The following KCNMA1 variants were observed in gnomAD, a reference collection of about 807,000 sequenced individuals.
KCNMA1 encodes the protein Calcium-activated potassium channel subunit alpha-1.
In KCNMA1, 29 loss-of-function variants were observed where a neutral mutation model predicts 140.0. The observed-to-expected ratio is 0.21, with a 90% CI of 0.15 to 0.28. The LOEUF is 0.28. Ranked by LOEUF, KCNMA1 falls within the 10% of genes least tolerant of loss-of-function variation. KCNMA1 has a pLI of 1.00. For missense variants in KCNMA1, 880 were observed against 1,602.2 expected (o/e 0.55, Z 7.70); for synonymous variants, 612 against 611.9 (o/e 1.00, Z 0.00).
intron 1 of KCNMA1, among the ~76,000 whole-genome samples, chr10:77,563,358 G>T (rs1035019683): frequency 1.4e-5 from 2 of 145,820 alleles, no homozygotes; most frequent in Non-Finnish European, 3.0e-5. Flanking sequence ...AAGCAGGATG[G>T]TTGGGCCTGA....
chr10:77,218,021 G>A (rs2048353668), intron 3 of KCNMA1, among the ~76,000 whole-genome samples: 1 of 152,152 alleles, frequency 6.6e-6, no homozygotes, highest in African/African-American at 2.4e-5. Flanking sequence ...GGAGGGTTGA[G>A]AAGATCCTTC....
At chr10:77,080,807 TAAC>T (rs1323786364) in intron 12 of KCNMA1, among the ~76,000 whole-genome samples, 7 of 152,058 alleles carry the variant, frequency 4.6e-5, no homozygotes, top group African/African-American at 1.4e-4. Context: ...TTCTCCAAGT[TAAC>T]AACTTGAGAC....
chr10:77,136,262 T>C lies in KCNMA1; in HGVS notation c.809-15214A>G, dbSNP rs550337016. On this transcript the variant is annotated intron_variant, in intron 5 of 27. Transcript: ENST00000286628. Reference sequence around the variant, plus strand: ...TAGAAAGCAGCTTAAAATCCAAAAATAGGTCTTACGTCTGATACATCTTCT... The same window carrying C: ...TAGAAAGCAGCTTAAAATCCAAAAACAGGTCTTACGTCTGATACATCTTCT... Among the ~76,000 whole-genome samples the C allele has an allele frequency of 1.1e-4, 17 of 152,306 alleles. No individual in the cohort carries two copies. In the South Asian group the frequency reaches 2.5e-3, roughly 22 times the overall value.
At chr10:77,628,636 C>A (rs571693275) in intron 1 of KCNMA1, among the ~76,000 whole-genome samples, 1 of 149,530 alleles carries the variant, frequency 6.7e-6, no homozygotes, top group Admixed American at 6.7e-5. Context: ...GGCAACACAG[C>A]AAGACGGTAT....
At chr10:77,228,328 C>T (rs929205160) in intron 3 of KCNMA1, among the ~76,000 whole-genome samples, 2 of 152,114 alleles carry the variant, frequency 1.3e-5, no homozygotes, top group Non-Finnish European at 2.9e-5. Context: ...GCCAACCACT[C>T]GGTTTCCTGG....
intron 25 of KCNMA1, chr10:76,902,630 G>T (rs1164789496): frequency 6.6e-6 from 1 of 152,214 alleles, no homozygotes; most frequent in Non-Finnish European, 1.5e-5. Context: ...AACCTGACTA[G>T]CGAAGCCCTT....
At chr10:77,540,716 G>A (rs2059971726) in intron 1 of KCNMA1, among the ~76,000 whole-genome samples, 1 of 152,200 alleles carries the variant, frequency 6.6e-6, no homozygotes, top group Non-Finnish European at 1.5e-5. Context: ...ATCACTAGGA[G>A]AAGGCTGGGC....
chr10:77,314,023 G>C (rs796661223), intron 2 of KCNMA1: 5 of 152,338 alleles, frequency 3.3e-5, no homozygotes, highest in African/African-American at 1.2e-4. Flanking sequence ...GGAATGAAAT[G>C]AAGTGGAGTG....
intron 2 of KCNMA1, among the ~76,000 whole-genome samples, chr10:77,340,419 T>G (rs1318375759): frequency 6.6e-6 from 1 of 152,206 alleles, no homozygotes; most frequent in Non-Finnish European, 1.5e-5. Context: ...ACATGTATGT[T>G]TATTGTGGCA....
intron 19 of KCNMA1, among the ~76,000 whole-genome samples, chr10:76,975,970 T>C (rs2077378626): frequency 1.3e-5 from 2 of 151,996 alleles, no homozygotes; most frequent in Non-Finnish European, 2.9e-5. Context: ...ACCCCAACGA[T>C]CATAATATCT....
chr10:77,425,065 A>C (rs1296807262), intron 1 of KCNMA1, among the ~76,000 whole-genome samples: 1 of 151,940 alleles, frequency 6.6e-6, no homozygotes, highest in Non-Finnish European at 1.5e-5. Flanking sequence ...GGATGGGTGG[A>C]TGGATGGGTG....
chr10:76,934,813 G>A (rs2060136170), intron 23 of KCNMA1, among the ~76,000 whole-genome samples: 1 of 152,118 alleles, frequency 6.6e-6, no homozygotes, highest in Non-Finnish European at 1.5e-5. Context: ...AATTTCTCTG[G>A]ACCATTTTCT....
chr10:77,324,971 C>CTCTGTGTGTGTG (rs766240356), intron 2 of KCNMA1, among the ~76,000 whole-genome samples: 2 of 90,378 alleles, frequency 2.2e-5, no homozygotes, highest in Non-Finnish European at 4.3e-5. Context: ...CTCTCTCTCT[C>CTCTGTGTGTGTG]TGTGTGTGTG....
At chr10:77,185,644 TCGAGCAGC>T (rs1035662085) in intron 3 of KCNMA1, among the ~76,000 whole-genome samples, 1 of 151,342 alleles carries the variant, frequency 6.6e-6, no homozygotes, top group African/African-American at 2.4e-5. Context: ...GGTGTGTGTG[TCGAGCAGC>T]CAATGCAAAC....
intron 1 of KCNMA1, among the ~76,000 whole-genome samples, chr10:77,455,999 A>G (rs755660807): frequency 1.3e-5 from 2 of 152,254 alleles, no homozygotes; most frequent in African/African-American, 2.4e-5. Flanking sequence ...ATGATCTGCC[A>G]TCCTCCTGGC....
chr10:77,623,651 C>T (rs760215037), intron 1 of KCNMA1, among the ~76,000 whole-genome samples: 6 of 150,940 alleles, frequency 4.0e-5, no homozygotes, highest in East Asian at 1.9e-4. Flanking sequence ...TGAGGTGAGC[C>T]GAGATCGTGA....
chr10:76,942,756 T>G (rs1017474384), intron 23 of KCNMA1, among the ~76,000 whole-genome samples: 1 of 152,292 alleles, frequency 6.6e-6, no homozygotes, highest in African/African-American at 2.4e-5. Context: ...AACAGGCATG[T>G]TGGGGAAAGG....
intron 25 of KCNMA1, chr10:76,902,384 A>G (rs1030285656): frequency 2.6e-5 from 4 of 152,202 alleles, no homozygotes; most frequent in African/African-American, 9.7e-5. Flanking sequence ...GTGCCTTACC[A>G]TGATACCTGT....
At chr10:77,323,732 C>T (rs1224891164) in intron 2 of KCNMA1, among the ~76,000 whole-genome samples, 4 of 152,212 alleles carry the variant, frequency 2.6e-5, no homozygotes, top group African/African-American at 9.6e-5. Context: ...ACTTCTCTCT[C>T]CTGCCTCCTG....
Sources: allele counts gnomAD v4.1 joint callset (sites outside exome capture counted in the v4.1 genomes callset), GRCh38; gene constraint gnomAD v4.1.1; transcripts MANE v1.5; gene names NCBI Gene and HGNC (gene_info 2026-07-23, HGNC 2026-07-21).